The following NMNAT2 variants were observed in gnomAD, a reference collection of about 807,000 sequenced individuals.
The protein encoded by NMNAT2 is nicotinamide/nicotinic acid mononucleotide adenylyltransferase 2.
Under a neutral mutation model 41.6 loss-of-function variants are expected in NMNAT2, and 11 were observed. The observed-to-expected ratio is 0.26, with a 90% confidence interval of 0.17 to 0.44. The LOEUF (loss-of-function observed/expected upper bound fraction) is 0.44. Among genes scored for constraint, NMNAT2 ranks in the 20% least tolerant of loss-of-function variants. NMNAT2 has a pLI of 1.00. For synonymous variants in NMNAT2, 148 were observed against 151.2 expected, an observed-to-expected ratio of 0.98 and a Z score of 0.16; for missense variants, 288 against 407.7, an observed-to-expected ratio of 0.71 and a Z score of 2.53.
intron 1 of NMNAT2, among the ~76,000 whole-genome samples, chr1:183,319,535 G>T (rs1201441471): frequency 6.6e-6 from 1 of 152,222 alleles, no homozygotes; most frequent in Non-Finnish European, 1.5e-5. Flanking sequence ...TCCCTTCTCA[G>T]CAGCGCCTCT....
At chr1:183,314,205 C>A (rs1662190980) in intron 1 of NMNAT2, among the ~76,000 whole-genome samples, 1 of 152,222 alleles carries the variant, frequency 6.6e-6, no homozygotes, top group South Asian at 2.1e-4. Context: ...ATAATGGGTT[C>A]TTTAAATCTG....
chr1:183,281,607 C>T (rs562225847), intron 7 of NMNAT2, among the ~76,000 whole-genome samples: 1 of 152,206 alleles, frequency 6.6e-6, no homozygotes, highest in Non-Finnish European at 1.5e-5. Flanking sequence ...ACATTTAAGT[C>T]AGACAAGCGG....
At chr1:183,287,175 C>T (rs913809966) in intron 4 of NMNAT2, among the ~76,000 whole-genome samples, 2 of 152,134 alleles carry the variant, frequency 1.3e-5, no homozygotes, top group East Asian at 1.9e-4. Context: ...TGACCCATGG[C>T]AGGAGCTCTG....
rs373154373 is a variant in NMNAT2 at position 183,370,705 on chromosome 1, T to C, written c.85+47478A>G. 9.2e-5 allele frequency among the ~76,000 whole-genome samples: 14 copies of C among 152,146 alleles called. No homozygotes were observed. The East Asian group carries it at 1.9e-3, about 21-fold the overall frequency. ...TTGATTCTGGGGGAATGAAATAAAATCCCCAGAAAAATATGCATGCCTCTT... is the reference window on the plus strand; with the variant it reads ...TTGATTCTGGGGGAATGAAATAAAACCCCCAGAAAAATATGCATGCCTCTT... On this transcript the variant is annotated intron_variant, in intron 1 of 10. Transcript: ENST00000287713.
intron 1 of NMNAT2, among the ~76,000 whole-genome samples, chr1:183,406,041 A>C (rs988073530): frequency 7.9e-5 from 12 of 152,234 alleles, no homozygotes; most frequent in Admixed American, 4.6e-4. Flanking sequence ...ACATTTTAAC[A>C]TGCAAGTAGC....
At chr1:183,357,266 A>G (rs956760704) in intron 1 of NMNAT2, among the ~76,000 whole-genome samples, 3 of 118,796 alleles carry the variant, frequency 2.5e-5, no homozygotes, top group Admixed American at 1.3e-4. Flanking sequence ...GTCTCGCTCT[A>G]TCGCCCAGGC....
chr1:183,318,665 T>C (rs1193146577), intron 1 of NMNAT2, among the ~76,000 whole-genome samples: 1 of 152,174 alleles, frequency 6.6e-6, no homozygotes, highest in Non-Finnish European at 1.5e-5. Flanking sequence ...CAGTCCTTCC[T>C]GCCTTGAGCC....
At chr1:183,319,551 A>C (rs1157406413) in intron 1 of NMNAT2, among the ~76,000 whole-genome samples, 1 of 152,218 alleles carries the variant, frequency 6.6e-6, no homozygotes, top group African/African-American at 2.4e-5. Context: ...CCTCTGGCCA[A>C]GGCCAGGCCT....
At chr1:183,284,605 G>A in intron 6 of NMNAT2, 105 bp downstream of exon 6, 3 of 956,132 alleles carry the variant, frequency 3.1e-6, no homozygotes, top group Non-Finnish European at 5.1e-6. Context: ...ACAATCACGG[G>A]AATTTGCGGT....
chr1:183,410,951 C>T (rs2101931863), intron 1 of NMNAT2, among the ~76,000 whole-genome samples: 1 of 152,178 alleles, frequency 6.6e-6, no homozygotes, highest in Admixed American at 6.5e-5. Flanking sequence ...ATCCTGGGCT[C>T]AAGCAATCCT....
Position 183,292,811 on chromosome 1 carries a change from A to G in NMNAT2, c.221T>C (p.Val74Ala). Reference sequence around the variant, plus strand: ...CTACCTGATCCAATCAGAATTCTGGACGGCCAGCTGACACATGATGAGACG... The same window carrying G: ...CTACCTGATCCAATCAGAATTCTGGGCGGCCAGCTGACACATGATGAGACG... ...RHRLIMCQLA[V>A]QNSDWIRVDP... Residue 74 changes from valine (V) to alanine (A), a missense_variant, in exon 3 of 11, where the codon GTC (valine) becomes GCC (alanine). Coordinates refer to ENST00000287713, the MANE Select transcript of NMNAT2 (RefSeq NM_015039.4). The G allele has an allele frequency of 3.7e-6, 6 of 1,613,994 alleles. No individual in the cohort carries two copies. The highest frequency in any genetic ancestry group is 5.1e-6 in the Non-Finnish European group (6 of 1,179,978).
At chr1:183,379,011 C>T (rs1047120928) in intron 1 of NMNAT2, among the ~76,000 whole-genome samples, 3 of 151,340 alleles carry the variant, frequency 2.0e-5, no homozygotes, top group Non-Finnish European at 3.0e-5. Flanking sequence ...CCACTGCACT[C>T]CAGCCTGGGT....
chr1:183,395,445 G>C (rs76205580), intron 1 of NMNAT2, among the ~76,000 whole-genome samples: 1 of 152,034 alleles, frequency 6.6e-6, no homozygotes, highest in Non-Finnish European at 1.5e-5. Flanking sequence ...AGTTTCAGGA[G>C]GAAGAGAGAT....
chr1:183,373,072 A>G (rs867528438), intron 1 of NMNAT2, among the ~76,000 whole-genome samples: 2 of 152,358 alleles, frequency 1.3e-5, no homozygotes, highest in Middle Eastern at 6.8e-3. Context: ...CTATTGGGCC[A>G]GAGAGCCCTC....
chr1:183,273,100 A>G (rs1661026002), intron 8 of NMNAT2, among the ~76,000 whole-genome samples: 1 of 152,240 alleles, frequency 6.6e-6, no homozygotes, highest in Non-Finnish European at 1.5e-5. Flanking sequence ...CAATCAATGT[A>G]GCCAGCTGTT....
chr1:183,386,717 C>G (rs901454151), intron 1 of NMNAT2, among the ~76,000 whole-genome samples: 1 of 151,680 alleles, frequency 6.6e-6, no homozygotes, highest in Non-Finnish European at 1.5e-5. Flanking sequence ...ACATTTTGCA[C>G]AAAATAAAAA....
At chr1:183,313,751 G>T (rs967822313) in intron 1 of NMNAT2, among the ~76,000 whole-genome samples, 1 of 152,216 alleles carries the variant, frequency 6.6e-6, no homozygotes, top group African/African-American at 2.4e-5. Context: ...CTCCCAATGT[G>T]CAGGGATTAC....
At chr1:183,401,368 C>A (rs1017336944) in intron 1 of NMNAT2, among the ~76,000 whole-genome samples, 1 of 152,064 alleles carries the variant, frequency 6.6e-6, no homozygotes, top group African/African-American at 2.4e-5. Flanking sequence ...CAATGAGATA[C>A]CATCTCACAC....
At chr1:183,289,751 C>T (rs766292261) in intron 4 of NMNAT2, among the ~76,000 whole-genome samples, 15 of 152,204 alleles carry the variant, frequency 9.9e-5, no homozygotes, top group Middle Eastern at 3.2e-3. Context: ...CTCTCTTCTC[C>T]TGCCTTTCAT....
Sources: gnomAD v4.1 joint callset for allele counts (sites outside exome capture counted in the v4.1 genomes callset) on GRCh38, gnomAD v4.1.1 for gene constraint, MANE v1.5 for transcripts, NCBI Gene and HGNC (gene_info 2026-07-23, HGNC 2026-07-21) for gene names.